Variants in RTTN observed in about 807,000 individuals in gnomAD.
The protein encoded by RTTN is rotatin.
RTTN carries 182 observed loss-of-function variants against 269.2 expected under a neutral mutation model. That is an observed-to-expected ratio of 0.68 (90% CI 0.60 to 0.76). The LOEUF (loss-of-function observed/expected upper bound fraction) is 0.76. Ranked by LOEUF, RTTN falls within the 30% of genes least tolerant of loss-of-function variation. RTTN has a pLI of 0.00. For synonymous variants in RTTN, 1,006 were observed against 963.5 expected (o/e 1.04, Z -0.82); for missense variants, 2,545 against 2,608.6 (o/e 0.98, Z 0.53).
intron 6 of RTTN, among the ~76,000 whole-genome samples, chr18:70,197,399 C>T (rs1376594335): frequency 6.6e-6 from 1 of 152,204 alleles, no homozygotes; most frequent in Non-Finnish European, 1.5e-5. Flanking sequence ...AATGGTAACT[C>T]AAGGTGGCCA....
intron 35 of RTTN, among the ~76,000 whole-genome samples, chr18:70,062,151 G>A (rs2144919669): frequency 6.6e-6 from 1 of 152,254 alleles, no homozygotes; most frequent in South Asian, 2.1e-4. Flanking sequence ...AGAGTTACTG[G>A]GGTTACTTCC....
At chr18:70,115,175 A>G (rs1190960221) in intron 26 of RTTN, among the ~76,000 whole-genome samples, 1 of 152,066 alleles carries the variant, frequency 6.6e-6, no homozygotes, top group Non-Finnish European at 1.5e-5. Context: ...TTACTAAATC[A>G]AAATATTATA....
intron 40 of RTTN, among the ~76,000 whole-genome samples, chr18:70,046,057 A>T (rs1312181666): frequency 6.6e-6 from 1 of 150,800 alleles, no homozygotes; most frequent in Non-Finnish European, 1.5e-5. Flanking sequence ...TCTAGCACAG[A>T]TTTTTTTTTT....
At chr18:70,088,962 T>A (rs2058771309) in intron 30 of RTTN, among the ~76,000 whole-genome samples, 1 of 152,252 alleles carries the variant, frequency 6.6e-6, no homozygotes, top group Non-Finnish European at 1.5e-5. Context: ...TTAATTTCAT[T>A]ATATGACACT....
intron 46 of RTTN, among the ~76,000 whole-genome samples, chr18:70,013,394 T>C (rs2056449265): frequency 7.0e-6 from 1 of 143,764 alleles, no homozygotes; most frequent in Non-Finnish European, 1.5e-5. Flanking sequence ...TATATACATA[T>C]GTGTGTGTGT....
chr18:70,157,901 T>C (rs979619774), intron 14 of RTTN, among the ~76,000 whole-genome samples: 7 of 106,848 alleles, frequency 6.6e-5, no homozygotes, highest in Non-Finnish European at 1.0e-4. Context: ...CAAACAGAAA[T>C]AAAGAAAAAA....
intron 24 of RTTN, chr18:70,127,952 C>T (rs2059907999): frequency 3.7e-6 from 2 of 540,796 alleles, no homozygotes; most frequent in Admixed American, 6.5e-5. Context: ...ACTTTTCCTC[C>T]TTATAAAAAT....
intron 35 of RTTN, among the ~76,000 whole-genome samples, chr18:70,060,787 T>C (rs1449292836): frequency 1.3e-5 from 2 of 152,108 alleles, no homozygotes; most frequent in Non-Finnish European, 2.9e-5. Flanking sequence ...GTAACCCTCA[T>C]TCTACTCTCT....
intron 28 of RTTN, among the ~76,000 whole-genome samples, chr18:70,094,674 T>C (rs542673786): frequency 5.7e-4 from 87 of 152,288 alleles, no homozygotes; most frequent in African/African-American, 1.8e-3. Context: ...TCCATTCTTT[T>C]GAGTTTGCTG....
At position 70,064,725 on chromosome 18, in the gene RTTN, T is replaced by C. The variant is rs116038065; in HGVS notation, c.4747+1104A>G. Reference sequence around the variant, plus strand: ...GACTGCTAATGGGTATAGGGTTTTTTTGCAAGATGATGGAAATATCCTAAA... The same window carrying C: ...GACTGCTAATGGGTATAGGGTTTTTCTGCAAGATGATGGAAATATCCTAAA... On this transcript the variant is annotated intron_variant, in intron 35 of 48. Transcript: ENST00000640769. Among the ~76,000 whole-genome samples the C allele has an allele frequency of 7.0e-3, 1,065 of 152,280 alleles. 10 individuals are homozygous for C. The highest frequency in any genetic ancestry group is 0.024 in the African/African-American group (1,001 of 41,554).
intron 34 of RTTN, among the ~76,000 whole-genome samples, chr18:70,067,698 T>C (rs541642567): frequency 2.0e-5 from 3 of 152,334 alleles, no homozygotes; most frequent in Non-Finnish European, 4.4e-5. Context: ...ATCATTTCAC[T>C]GAACATTCTT....
intron 14 of RTTN, among the ~76,000 whole-genome samples, chr18:70,152,392 T>G (rs1321801324): frequency 6.6e-6 from 1 of 152,156 alleles, no homozygotes; most frequent in Admixed American, 6.6e-5. Context: ...AAAGAGGTAG[T>G]ACCTAGCTCA....
chr18:70,061,192 C>CCAG, intron 35 of RTTN: 1 of 332,374 alleles, frequency 3.0e-6, no homozygotes, highest in South Asian at 2.4e-5. Flanking sequence ...ACAGTGGTTC[C>CCAG]CAACAACACT....
intron 16 of RTTN, 24 bp from the exon 17 acceptor site, chr18:70,149,061 A>C: frequency 6.2e-7 from 1 of 1,602,976 alleles, no homozygotes; most frequent in Non-Finnish European, 8.5e-7. Context: ...TTTTAAAGAG[A>C]AATTATTGTC....
At chr18:70,110,236 T>TAAA (rs80034761) in intron 27 of RTTN, among the ~76,000 whole-genome samples, 2 of 128,794 alleles carry the variant, frequency 1.6e-5, no homozygotes, top group Non-Finnish European at 1.7e-5. Context: ...CATCCCTTTT[T>TAAA]AAAAAAAAAA....
chr18:70,099,686 T>A (rs1340304490), intron 28 of RTTN, among the ~76,000 whole-genome samples: 1 of 152,118 alleles, frequency 6.6e-6, no homozygotes, highest in Non-Finnish European at 1.5e-5. Flanking sequence ...ATTGCCTAGG[T>A]TTTCTTCTTG....
chr18:70,153,551 A>G (rs1016447975), intron 14 of RTTN, among the ~76,000 whole-genome samples: 2 of 152,176 alleles, frequency 1.3e-5, no homozygotes, highest in Admixed American at 6.6e-5. Context: ...CCTCTTTACC[A>G]TACCGTCCTC....
chr18:70,089,986 T>A, intron 30 of RTTN, among the ~76,000 whole-genome samples: 1 of 152,146 alleles, frequency 6.6e-6, no homozygotes, highest in East Asian at 1.9e-4. Flanking sequence ...AAGCTTGTTC[T>A]AAAGAGAACA....
intron 40 of RTTN, among the ~76,000 whole-genome samples, chr18:70,037,083 G>A (rs904143185): frequency 6.6e-6 from 1 of 152,224 alleles, no homozygotes; most frequent in African/African-American, 2.4e-5. Flanking sequence ...TGCATGGAGA[G>A]ATCATTTAGA....
Sources: gnomAD v4.1 joint callset for allele counts (sites outside exome capture counted in the v4.1 genomes callset) on GRCh38, gnomAD v4.1.1 for gene constraint, MANE v1.5 for transcripts, NCBI Gene and HGNC (gene_info 2026-07-23, HGNC 2026-07-21) for gene names.